PDE7B: variants seen among roughly 807,000 people sequenced by gnomAD.
The protein encoded by PDE7B is 3',5'-cyclic-AMP phosphodiesterase 7B.
In PDE7B, 29 loss-of-function variants were observed where a neutral mutation model predicts 56.2. That is an observed-to-expected ratio of 0.52 (90% CI 0.38 to 0.70). The LOEUF (loss-of-function observed/expected upper bound fraction) is 0.70. Ranked by LOEUF, PDE7B falls within the 30% of genes least tolerant of loss-of-function variation. PDE7B has a pLI of 0.00. For missense variants in PDE7B, 490 were observed against 565.0 expected (o/e 0.87, Z 1.35); for synonymous variants, 197 against 196.9 (o/e 1.00, Z 0.00).
chr6:135,922,180 C>G (rs539683001), intron 1 of PDE7B, among the ~76,000 whole-genome samples: 1 of 152,298 alleles, frequency 6.6e-6, no homozygotes, highest in East Asian at 1.9e-4. Flanking sequence ...ATCTCTCAAG[C>G]CTTTATTTCC....
chr6:136,010,400 T>C (rs1775871638), intron 2 of PDE7B, among the ~76,000 whole-genome samples: 1 of 151,224 alleles, frequency 6.6e-6, no homozygotes, highest in African/African-American at 2.4e-5. Flanking sequence ...TTTTTTTTTT[T>C]TTTTTTTTTG....
chr6:136,171,542 A>G (rs1359107288), intron 8 of PDE7B, among the ~76,000 whole-genome samples: 2 of 152,168 alleles, frequency 1.3e-5, no homozygotes, highest in Non-Finnish European at 2.9e-5. Flanking sequence ...AGAGATTGTG[A>G]GGCTTGCCTC....
chr6:136,035,876 T>C (rs1278936681), intron 2 of PDE7B, among the ~76,000 whole-genome samples: 1 of 152,260 alleles, frequency 6.6e-6, no homozygotes, highest in Non-Finnish European at 1.5e-5. Flanking sequence ...AGTACATTAG[T>C]GTATGTGATA....
intron 3 of PDE7B, among the ~76,000 whole-genome samples, chr6:136,129,286 G>A (rs1420110542): frequency 6.6e-6 from 1 of 152,156 alleles, no homozygotes; most frequent in Non-Finnish European, 1.5e-5. Context: ...GAGACTCCGT[G>A]TACAGCAATA....
chr6:136,113,768 A>G (rs1489182137), intron 3 of PDE7B, among the ~76,000 whole-genome samples: 2 of 152,218 alleles, frequency 1.3e-5, no homozygotes, highest in Non-Finnish European at 2.9e-5. Context: ...AGACTTGTGG[A>G]CCCAGAGGGG....
chr6:136,052,617 G>GCCCCCCCCCCCCCCCCCCCC (rs11400308), intron 2 of PDE7B, among the ~76,000 whole-genome samples: 1 of 142,794 alleles, frequency 7.0e-6, no homozygotes, highest in Non-Finnish European at 1.5e-5. Context: ...TTAGGGTACA[G>GCCCCCCCCCCCCCCCCCCCC]CCCCCCCCCA....
intron 1 of PDE7B, among the ~76,000 whole-genome samples, chr6:135,870,401 G>C (rs1224725312): frequency 6.6e-6 from 1 of 151,968 alleles, no homozygotes; most frequent in Non-Finnish European, 1.5e-5. Flanking sequence ...GGTGCTAATA[G>C]TGCCTACCTT....
chr6:136,005,675 G>C (rs1281798294), intron 2 of PDE7B, among the ~76,000 whole-genome samples: 1 of 152,212 alleles, frequency 6.6e-6, no homozygotes, highest in Non-Finnish European at 1.5e-5. Flanking sequence ...ACACCAGTTA[G>C]AATGGCAATC....
rs555648543 is a variant in PDE7B at position 135,882,585 on chromosome 6, T to C, written c.21+30566T>C. 2.3e-3 allele frequency among the ~76,000 whole-genome samples: 353 copies of C among 152,312 alleles called. 2 individuals are homozygous for C. The highest frequency in any genetic ancestry group is 7.9e-3 in the African/African-American group (328 of 41,564). ...CACTTCACAGACTGAACAGATGGATTACAGGACTTTTTCCCTTGAGATTTC... is the reference window on the plus strand; with the variant it reads ...CACTTCACAGACTGAACAGATGGATCACAGGACTTTTTCCCTTGAGATTTC... On this transcript the variant is annotated intron_variant, in intron 1 of 12. Coordinates refer to ENST00000308191, the MANE Select transcript of PDE7B (RefSeq NM_018945.4).
At chr6:135,951,944 T>C (rs1370967171) in intron 2 of PDE7B, among the ~76,000 whole-genome samples, 10 of 152,266 alleles carry the variant, frequency 6.6e-5, no homozygotes, top group African/African-American at 2.4e-4. Context: ...CACCAGAAAA[T>C]CAATATTTTA....
intron 2 of PDE7B, among the ~76,000 whole-genome samples, chr6:135,963,003 A>T (rs573098209): frequency 2.0e-5 from 3 of 152,214 alleles, no homozygotes; most frequent in Non-Finnish European, 4.4e-5. Flanking sequence ...GAACCAACAC[A>T]CTAAGAGTCT....
chr6:136,087,090 G>T (rs939174563), intron 2 of PDE7B, among the ~76,000 whole-genome samples: 1 of 152,224 alleles, frequency 6.6e-6, no homozygotes, highest in Non-Finnish European at 1.5e-5. Context: ...GTTAGAATGA[G>T]AAAGACAGTA....
Position 136,037,944 on chromosome 6 carries a change from G to A in PDE7B, c.83-70787G>A, listed in dbSNP as rs1776351793. 5.8e-6 allele frequency: 7 copies of A among 1,200,916 alleles called. 1 individual carries two copies. The African/African-American group carries it at 9.5e-5, about 16-fold the overall frequency. The allele number at this position is 1,200,916 out of a possible 1,614,324, so 74.4% of individuals were successfully genotyped here. The stretch of plus-strand genomic sequence containing the variant: ...TAGCCTGGGATTAATTAAGTGCTGT[G>A]AACTCAGTGCCAGAGAGAGGAGGGG... On this transcript the variant is annotated intron_variant, in intron 2 of 12. Transcript: ENST00000308191.
At chr6:136,129,806 C>T (rs555539749) in intron 3 of PDE7B, among the ~76,000 whole-genome samples, 88 of 152,332 alleles carry the variant, frequency 5.8e-4, no homozygotes, top group Non-Finnish European at 1.0e-3. Context: ...TTCTCTCTGT[C>T]CCCTCCTTCA....
At chr6:136,097,687 T>C (rs1308059655) in intron 2 of PDE7B, among the ~76,000 whole-genome samples, 2 of 152,224 alleles carry the variant, frequency 1.3e-5, no homozygotes, top group Non-Finnish European at 2.9e-5. Context: ...ATCCTAAGTC[T>C]TTTCTTTAAT....
At chr6:136,035,164 A>G (rs908348246) in intron 2 of PDE7B, 1 of 152,202 alleles carries the variant, frequency 6.6e-6, no homozygotes, top group Non-Finnish European at 1.5e-5. Flanking sequence ...TCCTTTGATC[A>G]CATAACAACC....
chr6:136,125,397 C>T (rs1778005980), intron 3 of PDE7B, among the ~76,000 whole-genome samples: 1 of 151,872 alleles, frequency 6.6e-6, no homozygotes, highest in African/African-American at 2.4e-5. Flanking sequence ...AAAGACATCT[C>T]TTAAAAAAAT....
Position 136,147,452 on chromosome 6 carries a change from C to T in PDE7B, c.268C>T (p.Pro90Ser). The change falls in exon 4 of 13, where the codon CCA becomes TCA. Residue 90 changes from proline to serine, a missense_variant. Transcript: ENST00000308191. ...HASRLLRGIIPQAPLHLLDED... is the reference protein window; with the variant it reads ...HASRLLRGIISQAPLHLLDED... ...ATCAAGGCTGCTTCGTGGAATTATA[C>T]CACAAGCCCCTCTGCACCTGCTGGA... The T allele has an allele frequency of 6.2e-7, 1 of 1,613,786 alleles. No homozygotes were observed. The highest frequency in any genetic ancestry group is 2.2e-5 in the East Asian group (1 of 44,872).
intron 2 of PDE7B, among the ~76,000 whole-genome samples, chr6:135,969,558 T>G (rs1775056692): frequency 6.6e-6 from 1 of 152,138 alleles, no homozygotes; most frequent in Admixed American, 6.6e-5. Flanking sequence ...CTGGGAGAAC[T>G]GGCTAGCCAT....
Sources: gnomAD v4.1 joint callset for allele counts (sites outside exome capture counted in the v4.1 genomes callset) on GRCh38, gnomAD v4.1.1 for gene constraint, MANE v1.5 for transcripts, NCBI Gene and HGNC (gene_info 2026-07-23, HGNC 2026-07-21) for gene names.